Variants in ESRRG observed in about 807,000 individuals in gnomAD.
ESRRG encodes estrogen-related receptor gamma.
ESRRG carries 13 observed loss-of-function variants against 44.0 expected under a neutral mutation model. The ratio of observed to expected loss-of-function variants is 0.30; its 90% CI spans 0.19 to 0.47. The LOEUF is 0.47. Among genes scored for constraint, ESRRG ranks in the 20% least tolerant of loss-of-function variants. The pLI is 1.00. For synonymous variants in ESRRG, 215 were observed against 214.6 expected, an observed-to-expected ratio of 1.00 and a Z score of -0.02; for missense variants, 395 against 580.6, an observed-to-expected ratio of 0.68 and a Z score of 3.29.
rs148354268 is a variant in ESRRG at position 217,085,481 on chromosome 1, A to ATTTTTTTTTTTT, written c.-106+4014_-106+4025dup. Among the ~76,000 whole-genome samples, 8 of 49,130 alleles carry ATTTTTTTTTTTT rather than the reference A, an allele frequency of 1.6e-4. 1 individual carries two copies. The highest frequency in any genetic ancestry group is 7.4e-4 in the African/African-American group (8 of 10,834). 32.2% of individuals were successfully genotyped at this position (49,130 alleles called of 152,430 possible). A position where few individuals can be genotyped will look rare whatever the true frequency, so the allele number is the denominator to read the frequency against. ...TTTTCTTTCTTTTTCTTTTCTTTTC[A>ATTTTTTTTTTTT]TTTTTTTTTTTTTTTTTTTTTTTTT... On this transcript the variant is annotated intron_variant, in intron 1 of 7. Coordinates refer to the ESRRG transcript ENST00000359162.
At chr1:216,641,888 T>C (rs1296040146) in intron 3 of ESRRG, among the ~76,000 whole-genome samples, 1 of 152,200 alleles carries the variant, frequency 6.6e-6, no homozygotes, top group African/African-American at 2.4e-5. Flanking sequence ...TCTCTCACAG[T>C]GCTGGGAAAC....
chr1:216,589,284 T>C (rs909571960), intron 3 of ESRRG, among the ~76,000 whole-genome samples: 7 of 152,296 alleles, frequency 4.6e-5, no homozygotes, highest in Middle Eastern at 3.4e-3. Flanking sequence ...GGGCCACATG[T>C]GGGCTACATG....
chr1:216,840,254 T>G (rs1361318828), intron 2 of ESRRG, among the ~76,000 whole-genome samples: 1 of 152,204 alleles, frequency 6.6e-6, no homozygotes, highest in Non-Finnish European at 1.5e-5. Flanking sequence ...TCCACTTTTA[T>G]GTTACAGTGA....
At chr1:216,845,075 TCTTA>T (rs1027762323) in intron 2 of ESRRG, among the ~76,000 whole-genome samples, 3 of 152,160 alleles carry the variant, frequency 2.0e-5, no homozygotes, top group Admixed American at 6.6e-5. Flanking sequence ...TGTTTTATTG[TCTTA>T]CTATTTTTTA....
intron 2 of ESRRG, among the ~76,000 whole-genome samples, chr1:216,897,329 C>T (rs1187531544): frequency 6.6e-6 from 1 of 152,098 alleles, no homozygotes; most frequent in Non-Finnish European, 1.5e-5. Context: ...CATCAATGTG[C>T]CTAAGGATCA....
intron 3 of ESRRG, among the ~76,000 whole-genome samples, chr1:216,613,776 C>T (rs767935108): frequency 2.6e-5 from 4 of 152,144 alleles, no homozygotes; most frequent in Non-Finnish European, 5.9e-5. Context: ...TTGAAGCCAA[C>T]GTTCGAAAAC....
intron 1 of ESRRG, among the ~76,000 whole-genome samples, chr1:216,987,017 A>G (rs978888883): frequency 6.6e-6 from 1 of 152,194 alleles, no homozygotes; most frequent in African/African-American, 2.4e-5. Flanking sequence ...ACATTACAAA[A>G]TCTTTGTTGT....
At chr1:216,635,579 A>C (rs528147346) in intron 3 of ESRRG, among the ~76,000 whole-genome samples, 7 of 152,126 alleles carry the variant, frequency 4.6e-5, no homozygotes, top group Non-Finnish European at 1.0e-4. Context: ...TCCGGATGAG[A>C]AGTGATTCCA....
rs544929477 is a variant in ESRRG, at chr1:216,522,090, T to A, written c.863-2669A>T. On this transcript the variant is annotated intron_variant, in intron 5 of 6. Transcript: ENST00000408911. ...TTAATTGAACAAAAAACAATAAAAT[T>A]TCATTTTTAAAGTTGATCCTGCAAT... is the stretch of plus-strand genomic sequence containing the variant. Among the ~76,000 whole-genome samples the A allele has an allele frequency of 3.3e-4, 50 of 152,114 alleles. No homozygotes were observed. In the South Asian group the frequency reaches 4.1e-3, roughly 13 times the overall value.
At chr1:216,689,419 G>A (rs1181615974) in intron 1 of ESRRG, among the ~76,000 whole-genome samples, 1 of 152,054 alleles carries the variant, frequency 6.6e-6, no homozygotes, top group African/African-American at 2.4e-5. Context: ...CTTACTTTCA[G>A]AAATAATTGG....
chr1:216,882,978 G>A (rs878880897), intron 2 of ESRRG, among the ~76,000 whole-genome samples: 3 of 151,682 alleles, frequency 2.0e-5, no homozygotes, highest in East Asian at 1.9e-4. Context: ...TATATTGACC[G>A]AAATCTACCG....
At chr1:217,007,887 T>C (rs891183981) in intron 1 of ESRRG, among the ~76,000 whole-genome samples, 1 of 152,048 alleles carries the variant, frequency 6.6e-6, no homozygotes, top group Admixed American at 6.6e-5. Context: ...TGGAAGCAGG[T>C]GCAGGGGGAG....
chr1:216,819,776 G>C (rs1273356849), intron 2 of ESRRG, among the ~76,000 whole-genome samples: 2 of 152,094 alleles, frequency 1.3e-5, no homozygotes, highest in Non-Finnish European at 2.9e-5. Flanking sequence ...ATAATCCTAA[G>C]CAGAGGGATG....
At chr1:216,853,624 G>GGGA (rs2095872989) in intron 2 of ESRRG, among the ~76,000 whole-genome samples, 2 of 152,038 alleles carry the variant, frequency 1.3e-5, no homozygotes, top group Non-Finnish European at 2.9e-5. Context: ...CACACTCAGT[G>GGGA]TATCCACCCA....
chr1:216,985,152 A>T (rs2074656266), intron 1 of ESRRG, among the ~76,000 whole-genome samples: 1 of 152,232 alleles, frequency 6.6e-6, no homozygotes, highest in African/African-American at 2.4e-5. Context: ...GAATCTGTGA[A>T]TAACTATGAA....
At chr1:216,919,446 G>A (rs915140380) in intron 2 of ESRRG, among the ~76,000 whole-genome samples, 3 of 152,110 alleles carry the variant, frequency 2.0e-5, no homozygotes, top group Admixed American at 6.6e-5. Flanking sequence ...CATACAGCTA[G>A]AACACTCAGG....
At chr1:217,040,782 C>A (rs983478376) in intron 1 of ESRRG, among the ~76,000 whole-genome samples, 5 of 152,076 alleles carry the variant, frequency 3.3e-5, no homozygotes, top group African/African-American at 7.2e-5. Flanking sequence ...CAAACCAAAC[C>A]AATTTGTCTC....
chr1:216,836,967 ACACT>A (rs2095575082), intron 2 of ESRRG, among the ~76,000 whole-genome samples: 1 of 152,170 alleles, frequency 6.6e-6, no homozygotes, highest in Non-Finnish European at 1.5e-5. Context: ...ACAGACACAC[ACACT>A]CAGAGCAGAA....
intron 6 of ESRRG, among the ~76,000 whole-genome samples, chr1:216,508,275 C>T (rs994478696): frequency 2.0e-5 from 3 of 152,122 alleles, no homozygotes; most frequent in Non-Finnish European, 4.4e-5. Context: ...TAACCAGTAG[C>T]ATGTCTTAAA....
Sources: gnomAD v4.1 joint callset for allele counts (sites outside exome capture counted in the v4.1 genomes callset) on GRCh38, gnomAD v4.1.1 for gene constraint, MANE v1.5 for transcripts, NCBI Gene and HGNC (gene_info 2026-07-23, HGNC 2026-07-21) for gene names.